The following GLIS3 variants were observed in gnomAD, a reference collection of about 807,000 sequenced individuals.
GLIS3 encodes zinc finger protein GLIS3.
Under a neutral mutation model 78.6 loss-of-function variants are expected in GLIS3, and 53 were observed. The ratio of observed to expected loss-of-function variants is 0.67; its 90% CI spans 0.54 to 0.85. GLIS3 has a LOEUF of 0.85. GLIS3 is among the 40% of genes least tolerant of loss of function. The pLI, the probability that GLIS3 is intolerant of heterozygous loss-of-function variation, is 0.00. For missense variants in GLIS3, 1,703 were observed against 1,231.1 expected (o/e 1.38, Z -5.74); for synonymous variants, 684 against 509.9 (o/e 1.34, Z -4.60).
At chr9:4,162,219 T>A (rs1389280349) in intron 2 of GLIS3, among the ~76,000 whole-genome samples, 2 of 152,204 alleles carry the variant, frequency 1.3e-5, no homozygotes, top group African/African-American at 2.4e-5. Context: ...AATTTCCTTC[T>A]TTTTTTAAGA....
At chr9:3,873,886 C>A (rs1821132613) in intron 8 of GLIS3, among the ~76,000 whole-genome samples, 1 of 152,072 alleles carries the variant, frequency 6.6e-6, no homozygotes, top group Non-Finnish European at 1.5e-5. Context: ...GACTACTGCT[C>A]AAAAATAATT....
chr9:3,908,887 A>AT (rs371260073), intron 6 of GLIS3, among the ~76,000 whole-genome samples: 5 of 152,220 alleles, frequency 3.3e-5, no homozygotes, highest in African/African-American at 1.2e-4. Context: ...AGATTCTTCA[A>AT]TTTTCAGTTC....
chr9:4,092,245 G>A (rs1829580390), intron 4 of GLIS3, among the ~76,000 whole-genome samples: 2 of 150,222 alleles, frequency 1.3e-5, no homozygotes, highest in Non-Finnish European at 2.9e-5. Context: ...CTCGCCTCCT[G>A]GGTTCACACC....
At chr9:4,318,101 CT>C (rs1817467351) in intron 2 of GLIS3, among the ~76,000 whole-genome samples, 1 of 152,134 alleles carries the variant, frequency 6.6e-6, no homozygotes. Flanking sequence ...AGGAAGCATG[CT>C]TTAAAATGCA....
chr9:4,483,375 T>C, the GLIS3 span, among the ~76,000 whole-genome samples: 1 of 152,174 alleles, frequency 6.6e-6, no homozygotes, highest in African/African-American at 2.4e-5. Context: ...AAATACAACA[T>C]GTAACTCGGC....
At chr9:4,472,859 G>T in the GLIS3 span, among the ~76,000 whole-genome samples, 4 of 152,110 alleles carry the variant, frequency 2.6e-5, no homozygotes, top group African/African-American at 9.7e-5. Context: ...AACTTAGCAA[G>T]ATTGCAGATC....
At chr9:3,899,032 T>G (rs1205877521) in intron 6 of GLIS3, 197 bp from the exon 7 acceptor site, 2 of 673,964 alleles carry the variant, frequency 3.0e-6, no homozygotes. Flanking sequence ...TGGCAAGAGC[T>G]TCTGGAAAAA....
At chr9:4,177,115 G>T (rs1816877143) in intron 2 of GLIS3, among the ~76,000 whole-genome samples, 1 of 151,098 alleles carries the variant, frequency 6.6e-6, no homozygotes, top group South Asian at 2.1e-4. Flanking sequence ...GTGTTATCTT[G>T]TCAATTTGAT....
chr9:3,907,605 AACACACACACACACACACAGAC>A lies in GLIS3; in HGVS notation c.1984-8792_1984-8771del, dbSNP rs1233187774. 5.6e-3 allele frequency among the ~76,000 whole-genome samples: 514 copies of A among 92,306 alleles called. 5 individuals carry two copies. Among genetic ancestry groups the A allele is most frequent in the Non-Finnish European group, 8.1e-3 (372 of 46,170 alleles). 60.6% of individuals were successfully genotyped at this position (92,306 alleles called of 152,430 possible). On this transcript the variant is annotated intron_variant, in intron 6 of 10. Transcript: ENST00000381971. ...AATGGCTAGCATCCTCCACCCCCCA[AACACACACACACACACACAGAC>A]ACACACACACACACACACACACACA... is the stretch of plus-strand genomic sequence containing the variant.
chr9:4,378,652 G>A, the GLIS3 span, among the ~76,000 whole-genome samples: 16 of 152,098 alleles, frequency 1.1e-4, no homozygotes, highest in Non-Finnish European at 5.9e-5. Flanking sequence ...TGGTGCAATG[G>A]GAAATCACCC....
At chr9:4,439,396 T>C in the GLIS3 span, among the ~76,000 whole-genome samples, 1 of 152,160 alleles carries the variant, frequency 6.6e-6, no homozygotes, top group Non-Finnish European at 1.5e-5. Context: ...CCATTAGCAG[T>C]AATTTCCCCA....
intron 2 of GLIS3, among the ~76,000 whole-genome samples, chr9:4,260,594 A>C (rs1240814193): frequency 2.0e-5 from 3 of 151,378 alleles, no homozygotes; most frequent in Non-Finnish European, 4.4e-5. Flanking sequence ...ATAAATACAA[A>C]AATTAGCTGG....
chr9:4,373,614 T>A, the GLIS3 span, among the ~76,000 whole-genome samples: 1 of 152,046 alleles, frequency 6.6e-6, no homozygotes, highest in African/African-American at 2.4e-5. Flanking sequence ...AAATACTTCC[T>A]AACACTTAGA....
chr9:3,829,674 ACCTT>A (rs1215974737), intron 9 of GLIS3, among the ~76,000 whole-genome samples, 182 bp from the exon 10 acceptor site: 1 of 152,126 alleles, frequency 6.6e-6, no homozygotes, highest in Admixed American at 6.5e-5. Context: ...AAGCTCTTCT[ACCTT>A]AGAGGAATTT....
intron 1 of GLIS3, among the ~76,000 whole-genome samples, chr9:4,290,883 T>C (rs563732294): frequency 6.6e-6 from 1 of 152,264 alleles, no homozygotes; most frequent in African/African-American, 2.4e-5. Context: ...ATTGGATGTG[T>C]ACAACATTAT....
chr9:3,883,793 A>G (rs950924781), intron 7 of GLIS3, among the ~76,000 whole-genome samples: 4 of 152,230 alleles, frequency 2.6e-5, no homozygotes, highest in Admixed American at 2.6e-4. Context: ...GGAACAACTG[A>G]TTAAGCACAG....
chr9:4,093,892 C>T (rs142175945), intron 4 of GLIS3, among the ~76,000 whole-genome samples: 17 of 152,318 alleles, frequency 1.1e-4, no homozygotes, highest in African/African-American at 3.8e-4. Flanking sequence ...ACCCTGAGGT[C>T]TCACCTTATA....
At chr9:3,961,210 T>C (rs1319685551) in intron 4 of GLIS3, among the ~76,000 whole-genome samples, 14 of 152,198 alleles carry the variant, frequency 9.2e-5, no homozygotes, top group Admixed American at 7.9e-4. Flanking sequence ...GCTGTGCTCT[T>C]GCTGTTGCCT....
chr9:4,402,320 T>G, the GLIS3 span, among the ~76,000 whole-genome samples: 2 of 152,220 alleles, frequency 1.3e-5, no homozygotes, highest in Non-Finnish European at 2.9e-5. Context: ...GCCCAAGTCC[T>G]TCGAATACCT....
Sources: allele counts gnomAD v4.1 joint callset (sites outside exome capture counted in the v4.1 genomes callset), GRCh38; gene constraint gnomAD v4.1.1; transcripts MANE v1.5; gene names NCBI Gene and HGNC (gene_info 2026-07-23, HGNC 2026-07-21).